The following JAK1 variants were observed in gnomAD, a reference collection of about 807,000 sequenced individuals.
The protein encoded by JAK1 is tyrosine-protein kinase JAK1.
JAK1 carries 16 observed loss-of-function variants against 136.6 expected under a neutral mutation model. The ratio of observed to expected loss-of-function variants is 0.12; its 90% CI spans 0.08 to 0.18. The LOEUF (loss-of-function observed/expected upper bound fraction) is 0.18, where lower values mean the gene tolerates loss of function less well. Among genes scored for constraint, JAK1 ranks in the 10% least tolerant of loss-of-function variants. JAK1 has a pLI of 1.00. For missense variants in JAK1, 859 were observed against 1,450.1 expected (o/e 0.59, Z 6.62); for synonymous variants, 492 against 519.5 (o/e 0.95, Z 0.72).
chr1:64,945,546 G>A (rs1036101005), intron 1 of JAK1, among the ~76,000 whole-genome samples: 2 of 151,896 alleles, frequency 1.3e-5, no homozygotes, highest in African/African-American at 4.8e-5. Context: ...AAAAAGCAAA[G>A]GGTGGAATAG....
chr1:64,912,713 A>C (rs1382551913), intron 1 of JAK1, among the ~76,000 whole-genome samples: 2 of 152,228 alleles, frequency 1.3e-5, no homozygotes, highest in African/African-American at 4.8e-5. Flanking sequence ...GGGAAGCGGC[A>C]GAACAACAAA....
At chr1:64,958,733 A>C (rs1389035336) in intron 1 of JAK1, among the ~76,000 whole-genome samples, 1 of 152,198 alleles carries the variant, frequency 6.6e-6, no homozygotes, top group African/African-American at 2.4e-5. Flanking sequence ...CATAATTGAA[A>C]AAAACTGTTA....
intron 1 of JAK1, among the ~76,000 whole-genome samples, chr1:64,952,281 T>G (rs1406339252): frequency 1.3e-5 from 2 of 152,136 alleles, no homozygotes; most frequent in Admixed American, 1.3e-4. Context: ...GCTTAGGGAT[T>G]GTGAAACCAA....
intron 1 of JAK1, among the ~76,000 whole-genome samples, chr1:64,956,741 G>A (rs1159406408): frequency 2.0e-5 from 3 of 152,192 alleles, no homozygotes; most frequent in South Asian, 2.1e-4. Flanking sequence ...AAGGAGCAGA[G>A]AGGAAGGAAA....
At chr1:65,020,161 G>A (rs112113474) in intron 2 of JAK1, among the ~76,000 whole-genome samples, 2,212 of 146,768 alleles carry the variant, frequency 0.015, 45 homozygotes, top group African/African-American at 0.054. Context: ...GGAGGCGGAG[G>A]TTGCAGTGAG....
At chr1:64,982,397 C>T (rs569740019) in intron 2 of JAK1, among the ~76,000 whole-genome samples, 9 of 152,220 alleles carry the variant, frequency 5.9e-5, no homozygotes, top group South Asian at 2.1e-4. Flanking sequence ...AGCCACAGTC[C>T]GGGAGGTAAA....
At chr1:65,052,231 C>A (rs542897540) in intron 1 of JAK1, among the ~76,000 whole-genome samples, 2 of 151,790 alleles carry the variant, frequency 1.3e-5, no homozygotes, top group African/African-American at 4.8e-5. Flanking sequence ...CCACCACACC[C>A]AGCTCAGGCA....
At chr1:65,019,165 C>CAA (rs1646916774) in intron 2 of JAK1, among the ~76,000 whole-genome samples, 1 of 151,902 alleles carries the variant, frequency 6.6e-6, no homozygotes, top group Admixed American at 6.6e-5. Flanking sequence ...TTTTAAGGAA[C>CAA]AAAGTATTTT....
At chr1:64,857,449 G>C (rs1289658891) in intron 10 of JAK1, among the ~76,000 whole-genome samples, 1 of 152,174 alleles carries the variant, frequency 6.6e-6, no homozygotes, top group Non-Finnish European at 1.5e-5. Context: ...GGCCCTACAG[G>C]GGGAGGATGC....
intron 1 of JAK1, among the ~76,000 whole-genome samples, chr1:64,913,689 A>G (rs1200213045): frequency 5.3e-5 from 2 of 37,820 alleles, no homozygotes; most frequent in Admixed American, 1.7e-4. Context: ...GGAAGGAAGG[A>G]AGGAAGGAAG....
intron 6 of JAK1, among the ~76,000 whole-genome samples, chr1:64,868,025 A>AGAGAGT (rs548259398): frequency 0.052 from 7,963 of 151,900 alleles, 305 homozygotes; most frequent in Admixed American, 0.14. Flanking sequence ...AGAGAGAGAG[A>AGAGAGT]GAGTGAGAGA....
intron 2 of JAK1, among the ~76,000 whole-genome samples, chr1:65,023,543 G>A (rs1207905499): frequency 6.6e-6 from 1 of 151,606 alleles, no homozygotes; most frequent in African/African-American, 2.4e-5. Context: ...GACTGCAGTG[G>A]CACAATCTCG....
chr1:64,971,619 C>T (rs1646452679), intron 2 of JAK1, among the ~76,000 whole-genome samples: 1 of 151,652 alleles, frequency 6.6e-6, no homozygotes, highest in Non-Finnish European at 1.5e-5. Context: ...AGTACAGTGG[C>T]GTGATCTCGG....
At chr1:65,017,195 G>T (rs1646898227) in intron 2 of JAK1, among the ~76,000 whole-genome samples, 1 of 152,164 alleles carries the variant, frequency 6.6e-6, no homozygotes, top group African/African-American at 2.4e-5. Context: ...GCCAGGACTG[G>T]TGGCTCATAC....
intron 1 of JAK1, among the ~76,000 whole-genome samples, chr1:64,950,735 T>C (rs749637989): frequency 6.6e-6 from 1 of 152,216 alleles, no homozygotes; most frequent in Non-Finnish European, 1.5e-5. Flanking sequence ...CCCATAGATA[T>C]ATCTCAACCT....
intron 2 of JAK1, among the ~76,000 whole-genome samples, chr1:65,031,683 CT>C (rs998032296): frequency 1.3e-4 from 20 of 152,006 alleles, no homozygotes; most frequent in African/African-American, 4.6e-4. Flanking sequence ...AGAGAATGTC[CT>C]TTTTTTCAGC....
chr1:64,875,510 T>C (rs1657347508), intron 4 of JAK1, among the ~76,000 whole-genome samples: 1 of 152,186 alleles, frequency 6.6e-6, no homozygotes, highest in Non-Finnish European at 1.5e-5. Flanking sequence ...AACACATGCT[T>C]GATAGATAAA....
chr1:65,041,548 C>A (rs1214040930), intron 2 of JAK1, among the ~76,000 whole-genome samples: 1 of 152,122 alleles, frequency 6.6e-6, no homozygotes, highest in Non-Finnish European at 1.5e-5. Context: ...CTCTGTGTAA[C>A]CCTTATCATA....
upstream of JAK1, among the ~76,000 whole-genome samples, chr1:64,969,747 T>C (rs1646433234): frequency 6.6e-6 from 1 of 152,066 alleles, no homozygotes; most frequent in Non-Finnish European, 1.5e-5. Flanking sequence ...ATTTTCTGAA[T>C]TGGTTAATAA....
Sources: allele counts gnomAD v4.1 joint callset (sites outside exome capture counted in the v4.1 genomes callset), GRCh38; gene constraint gnomAD v4.1.1; transcripts MANE v1.5; gene names NCBI Gene and HGNC (gene_info 2026-07-23, HGNC 2026-07-21).